Variants in NDST4 observed in about 807,000 individuals in gnomAD.
NDST4 encodes N-heparan sulfate sulfotransferase 4.
NDST4 carries 63 observed loss-of-function variants against 100.8 expected under a neutral mutation model. The observed-to-expected ratio is 0.62, with a 90% CI of 0.51 to 0.77. NDST4 has a LOEUF of 0.77. Ranked by LOEUF, NDST4 falls within the 30% of genes least tolerant of loss-of-function variation. The probability of loss-of-function intolerance (pLI) is 0.00; values close to 1 mark genes in which losing one functional copy is unlikely to be tolerated. For missense variants in NDST4, 943 were observed against 1,018.4 expected (o/e 0.93, Z 1.01); for synonymous variants, 377 against 361.8 (o/e 1.04, Z -0.48).
intron 6 of NDST4, among the ~76,000 whole-genome samples, chr4:114,909,451 G>A (rs1578381841): frequency 6.6e-6 from 1 of 151,606 alleles, no homozygotes; most frequent in African/African-American, 2.4e-5. Flanking sequence ...ATGAGGTCAG[G>A]AGATCGAGAC....
At chr4:115,032,930 T>C (rs759589360) in intron 2 of NDST4, among the ~76,000 whole-genome samples, 7 of 151,830 alleles carry the variant, frequency 4.6e-5, no homozygotes, top group Non-Finnish European at 8.8e-5. Flanking sequence ...AACATGTTGA[T>C]TCCTTTGAAT....
intron 1 of NDST4, among the ~76,000 whole-genome samples, chr4:115,081,687 T>C (rs1729306522): frequency 6.6e-6 from 1 of 152,212 alleles, no homozygotes; most frequent in Non-Finnish European, 1.5e-5. Flanking sequence ...ATGTGGCATT[T>C]ATTTTTAAGT....
chr4:114,954,791 T>C (rs1726099615), intron 4 of NDST4, among the ~76,000 whole-genome samples: 1 of 152,202 alleles, frequency 6.6e-6, no homozygotes, highest in South Asian at 2.1e-4. Context: ...GATTGGATAA[T>C]GAGATCACAA....
rs531968719 is a variant in NDST4 at position 114,845,743 on chromosome 4, G to C, written c.2115+80C>G. The C allele has an allele frequency of 5.8e-5, 74 of 1,284,180 alleles. 4 individuals carry two copies. The East Asian group carries it at 8.2e-4, about 14-fold the overall frequency. 79.5% of individuals were successfully genotyped at this position (1,284,180 alleles called of 1,614,324 possible). On this transcript the variant is annotated intron_variant, in intron 10 of 13. Transcript: ENST00000264363. ...TTACATTTGACTTTTCATATGTTTA[G>C]GTTCTATTCTGGTTATTTTTCATTG...
In NDST4 at chr4:114,934,877, T is replaced by G. The variant is rs186266648; in HGVS notation, c.1536+329A>C. On this transcript the variant is annotated intron_variant, in intron 6 of 13. Transcript: ENST00000264363. ...ACTGTAAAAATAAAAAAATTTTATT[T>G]GTCAATTATACCTTCATAAAGCTGA... Among the ~76,000 whole-genome samples the G allele has an allele frequency of 4.6e-5, 7 of 152,216 alleles. No homozygotes were observed. The East Asian group carries it at 1.4e-3, about 29-fold the overall frequency.
Position 114,975,077 on chromosome 4 carries a change from G to A in NDST4, c.1066+2110C>T, listed in dbSNP as rs375927302. Reference sequence around the variant, plus strand: ...GTTTTTTCTAAAATGTGAAATCTCCGTATAGAAATGTGACAAGATAGGGGT... The same window carrying A: ...GTTTTTTCTAAAATGTGAAATCTCCATATAGAAATGTGACAAGATAGGGGT... On this transcript the variant is annotated intron_variant, in intron 3 of 13. Transcript: ENST00000264363. 5.9e-5 allele frequency among the ~76,000 whole-genome samples: 9 copies of A among 152,140 alleles called. No homozygotes were observed. The South Asian group carries it at 1.9e-3, about 32-fold the overall frequency.
At chr4:115,092,096 C>G (rs1404841121) in intron 1 of NDST4, among the ~76,000 whole-genome samples, 1 of 152,082 alleles carries the variant, frequency 6.6e-6, no homozygotes, top group Non-Finnish European at 1.5e-5. Flanking sequence ...TCAGAAAAGT[C>G]CAGTTTGAAA....
chr4:115,068,308 A>C (rs1728995545), intron 2 of NDST4, among the ~76,000 whole-genome samples: 1 of 152,160 alleles, frequency 6.6e-6, no homozygotes, highest in Non-Finnish European at 1.5e-5. Context: ...ACTTGTATCT[A>C]GATCAAGCCT....
intron 6 of NDST4, among the ~76,000 whole-genome samples, chr4:114,895,941 A>C (rs940097719): frequency 2.0e-5 from 3 of 152,148 alleles, no homozygotes; most frequent in Non-Finnish European, 4.4e-5. Context: ...AGACAAAAAC[A>C]ACATGCTTCC....
chr4:115,038,905 G>C (rs2126273102), intron 2 of NDST4, among the ~76,000 whole-genome samples: 1 of 152,256 alleles, frequency 6.6e-6, no homozygotes, highest in Non-Finnish European at 1.5e-5. Flanking sequence ...ACTTGAGCCT[G>C]GGAGGTCAAG....
chr4:114,944,637 CAATGT>C (rs1369997308), intron 4 of NDST4, among the ~76,000 whole-genome samples: 1 of 152,138 alleles, frequency 6.6e-6, no homozygotes, highest in East Asian at 1.9e-4. Context: ...TGAAACCATA[CAATGT>C]AGGTAACCTC....
chr4:115,012,636 C>A (rs1483129644), intron 2 of NDST4, among the ~76,000 whole-genome samples: 1 of 151,906 alleles, frequency 6.6e-6, no homozygotes, highest in Non-Finnish European at 1.5e-5. Context: ...TTTGGAGGTT[C>A]CCCAAAAAAT....
At chr4:115,019,000 T>C (rs958425575) in intron 2 of NDST4, among the ~76,000 whole-genome samples, 1 of 152,026 alleles carries the variant, frequency 6.6e-6, no homozygotes, top group Non-Finnish European at 1.5e-5. Flanking sequence ...ACTACTTCTT[T>C]ATAGCTCTCT....
chr4:115,076,544 G>A lies in NDST4; in HGVS notation c.493C>T (p.His165Tyr). ...VEYSVSIIGF[H>Y]KANENSLPST... ...GGTAAGCTGTTCTCATTGGCTTTAT[G>A]AAAACCGATTATACTAACACTGTAT... The change falls in exon 2 of 14, where the codon CAT (histidine) becomes TAT (tyrosine). Residue 165 changes from histidine (H) to tyrosine (Y), a missense_variant. Around this residue, in one of 2 missense-constraint regions of NDST4, gnomAD observed 417 missense variants for 384.2 expected, o/e 1.09. Transcript: ENST00000264363. 6.2e-7 allele frequency: 1 copy of A among 1,613,978 alleles called. No individual in the cohort carries two copies.
At chr4:115,081,781 CAG>C (rs1275715366) in intron 1 of NDST4, among the ~76,000 whole-genome samples, 2 of 152,108 alleles carry the variant, frequency 1.3e-5, no homozygotes, top group Non-Finnish European at 2.9e-5. Flanking sequence ...CAGCAAGAAA[CAG>C]AAACATTTGA....
intron 2 of NDST4, among the ~76,000 whole-genome samples, chr4:114,996,673 T>A (rs1034861773): frequency 2.6e-5 from 4 of 152,014 alleles, no homozygotes; most frequent in African/African-American, 9.7e-5. Context: ...AATAAGCACA[T>A]CTCATTTTTA....
At chr4:114,944,365 C>T (rs1432419917) in intron 4 of NDST4, among the ~76,000 whole-genome samples, 1 of 152,180 alleles carries the variant, frequency 6.6e-6, no homozygotes, top group Admixed American at 6.5e-5. Context: ...AACCCCACAT[C>T]ACATATAACT....
intron 2 of NDST4, among the ~76,000 whole-genome samples, chr4:115,026,394 GCAAA>G (rs1214711172): frequency 1.4e-5 from 2 of 143,810 alleles, no homozygotes; most frequent in African/African-American, 5.1e-5. Context: ...ATGCATTCAA[GCAAA>G]CATTTTCTCA....
chr4:114,974,888 TG>T (rs560140653), intron 3 of NDST4, among the ~76,000 whole-genome samples: 1 of 152,126 alleles, frequency 6.6e-6, no homozygotes, highest in South Asian at 2.1e-4. Context: ...TGTGATTAAA[TG>T]TCTTCAAAAC....
Sources: allele counts gnomAD v4.1 joint callset (sites outside exome capture counted in the v4.1 genomes callset), GRCh38; gene constraint gnomAD v4.1.1; regional missense constraint gnomAD v4.1.1; transcripts MANE v1.5; gene names NCBI Gene and HGNC (gene_info 2026-07-23, HGNC 2026-07-21).